Variants in PPFIBP2 observed in about 807,000 individuals in gnomAD.
PPFIBP2 encodes the protein PPFIB scaffold protein 2.
PPFIBP2 carries 118 observed loss-of-function variants against 118.3 expected under a neutral mutation model. That is an observed-to-expected ratio of 1.00 (90% confidence interval 0.86 to 1.16). The LOEUF is 1.16. Among genes scored for constraint, PPFIBP2 ranks in the 50% most tolerant of loss-of-function variants. The pLI, the probability that PPFIBP2 is intolerant of heterozygous loss-of-function variation, is 0.00. For missense variants in PPFIBP2, 1,195 were observed against 1,073.1 expected, an observed-to-expected ratio of 1.11 and a Z score of -1.59; for synonymous variants, 414 against 397.4, an observed-to-expected ratio of 1.04 and a Z score of -0.50.
chr11:7,569,117 G>A (rs368413562), intron 3 of PPFIBP2: 1 of 152,230 alleles, frequency 6.6e-6, no homozygotes, highest in Non-Finnish European at 1.5e-5. Context: ...AGGACAAATA[G>A]CAGACTAGTC....
chr11:7,590,575 G>T (rs1324553381), intron 3 of PPFIBP2, among the ~76,000 whole-genome samples: 1 of 152,186 alleles, frequency 6.6e-6, no homozygotes, highest in African/African-American at 2.4e-5. Context: ...CTCTAACAGT[G>T]CTTCTAGATT....
intron 2 of PPFIBP2, among the ~76,000 whole-genome samples, chr11:7,564,606 T>C (rs141394931): frequency 6.6e-6 from 1 of 152,316 alleles, no homozygotes; most frequent in Admixed American, 6.5e-5. Flanking sequence ...TACCATCGTT[T>C]CTTTGTAATT....
chr11:7,641,089 G>T (rs112527019), intron 15 of PPFIBP2: 1 of 1,260,824 alleles, frequency 7.9e-7, no homozygotes, highest in Non-Finnish European at 1.0e-6. Flanking sequence ...TCCAGGTGAG[G>T]TGGAGAGTGA....
intron 20 of PPFIBP2, 88 bp downstream of exon 20, chr11:7,649,323 A>T (rs539067727): frequency 7.4e-7 from 1 of 1,345,798 alleles, no homozygotes; most frequent in Non-Finnish European, 1.0e-6. Flanking sequence ...ACTTGATTCC[A>T]TATATTCTTA....
intron 3 of PPFIBP2, among the ~76,000 whole-genome samples, chr11:7,579,800 C>A (rs1856993477): frequency 6.6e-6 from 1 of 152,100 alleles, no homozygotes; most frequent in African/African-American, 2.4e-5. Flanking sequence ...TGACTCATAG[C>A]AAAACAGATA....
At chr11:7,642,168 G>A (rs1852288195) in intron 16 of PPFIBP2, 130 bp from the exon 17 acceptor site, 1 of 1,062,974 alleles carries the variant, frequency 9.4e-7, no homozygotes, top group East Asian at 2.4e-5. Context: ...TGATCTCTGG[G>A]AAGGTACGGA....
chr11:7,634,473 C>T, intron 12 of PPFIBP2, 22 bp from the exon 13 acceptor site: 2 of 1,579,692 alleles, frequency 1.3e-6, no homozygotes, highest in East Asian at 2.2e-5. Flanking sequence ...ATAACTATTT[C>T]TTTCTTTTGT....
At chr11:7,566,878 G>C (rs974919985) in intron 3 of PPFIBP2, among the ~76,000 whole-genome samples, 1 of 152,088 alleles carries the variant, frequency 6.6e-6, no homozygotes, top group Non-Finnish European at 1.5e-5. Context: ...ATTTTTCCCT[G>C]TACACCCAGA....
chr11:7,649,344 A>T, intron 20 of PPFIBP2, 109 bp downstream of exon 20: 1 of 1,272,652 alleles, frequency 7.9e-7, no homozygotes, highest in South Asian at 1.3e-5. Context: ...AGGCCTTGAA[A>T]TAGTATCATT....
At chr11:7,563,891 C>T (rs980299896) in intron 2 of PPFIBP2, among the ~76,000 whole-genome samples, 3 of 152,128 alleles carry the variant, frequency 2.0e-5, no homozygotes, top group African/African-American at 4.8e-5. Context: ...ACAGGCCAGG[C>T]GCAGTGGCTC....
At chr11:7,653,828 G>A (rs568176378), downstream of PPFIBP2, 29 of 1,178,668 alleles carry the variant, frequency 2.5e-5, no homozygotes, top group Admixed American at 2.5e-4. Flanking sequence ...GGAGTCCTAC[G>A]GATTGCAGAG....
intron 1 of PPFIBP2, among the ~76,000 whole-genome samples, chr11:7,531,499 A>G (rs1286869402): frequency 6.6e-6 from 1 of 152,248 alleles, no homozygotes; most frequent in Non-Finnish European, 1.5e-5. Context: ...ATAAAGGAAT[A>G]TTGGGAACTG....
intron 1 of PPFIBP2, among the ~76,000 whole-genome samples, chr11:7,520,782 C>T (rs1325090406): frequency 6.6e-6 from 1 of 152,160 alleles, no homozygotes; most frequent in Non-Finnish European, 1.5e-5. Flanking sequence ...GGAGCTCCAC[C>T]TCCCTTGGAC....
intron 14 of PPFIBP2, among the ~76,000 whole-genome samples, chr11:7,636,307 T>G (rs1034700489): frequency 3.3e-5 from 5 of 151,808 alleles, no homozygotes; most frequent in Middle Eastern, 3.2e-3. Context: ...GGGGCATCTC[T>G]GCTCCTCCAC....
chr11:7,649,776 C>A (rs931173710), intron 21 of PPFIBP2, 122 bp downstream of exon 21: 22 of 1,405,330 alleles, frequency 1.6e-5, no homozygotes, highest in Admixed American at 1.5e-4. Context: ...GCCTGGGATT[C>A]TTTTGTTTGC....
intron 1 of PPFIBP2, among the ~76,000 whole-genome samples, chr11:7,538,843 C>G (rs1007293528): frequency 4.6e-5 from 7 of 152,066 alleles, no homozygotes; most frequent in African/African-American, 1.4e-4. Context: ...GATTCAGGGC[C>G]CTTTCTGCAG....
At chr11:7,563,309 C>G (rs538755899) in intron 2 of PPFIBP2, among the ~76,000 whole-genome samples, 2 of 152,018 alleles carry the variant, frequency 1.3e-5, no homozygotes, top group African/African-American at 4.8e-5. Flanking sequence ...TGCTTCTGTC[C>G]GTTTTCTTCC....
rs1852152216 is a variant in PPFIBP2 at position 7,641,247 on chromosome 11, A to C, written c.1376-232A>C. ...AAGTACTTTGGACCCCAAATCCTTAAAATTAAAGACATTAGCTCACCTAGA... is the reference window on the plus strand; with the variant it reads ...AAGTACTTTGGACCCCAAATCCTTACAATTAAAGACATTAGCTCACCTAGA... On this transcript the variant is annotated intron_variant, in intron 15 of 23. Coordinates refer to ENST00000299492, the MANE Select transcript of PPFIBP2 (RefSeq NM_003621.5). Among the ~76,000 whole-genome samples, 4 of 152,208 alleles carry C rather than the reference A, an allele frequency of 2.6e-5. No homozygotes were observed. In the South Asian group the frequency reaches 8.3e-4, roughly 32 times the overall value.
downstream of PPFIBP2, chr11:7,653,898 G>C: frequency 2.4e-6 from 2 of 849,170 alleles, no homozygotes; most frequent in Non-Finnish European, 3.1e-6. Flanking sequence ...GGATTCACCA[G>C]GGGGGTAGAG....
Sources: gnomAD v4.1 joint callset for allele counts (sites outside exome capture counted in the v4.1 genomes callset) on GRCh38, gnomAD v4.1.1 for gene constraint, MANE v1.5 for transcripts, NCBI Gene and HGNC (gene_info 2026-07-23, HGNC 2026-07-21) for gene names.